The following BRCA2 variants were observed in gnomAD, a reference collection of about 807,000 sequenced individuals.
BRCA2 encodes the protein breast cancer type 2 susceptibility protein.
BRCA2 carries 203 observed loss-of-function variants against 276.7 expected under a neutral mutation model. That is an observed-to-expected ratio of 0.73 (90% CI 0.65 to 0.82). BRCA2 has a LOEUF of 0.82. BRCA2 is among the 40% of genes least tolerant of loss of function. The pLI is 0.00. For synonymous variants in BRCA2, 1,289 were observed against 1,338.4 expected, an observed-to-expected ratio of 0.96 and a Z score of 0.81; for missense variants, 3,920 against 3,915.0, an observed-to-expected ratio of 1.00 and a Z score of -0.03.
intron 7 of BRCA2, among the ~76,000 whole-genome samples, chr13:32,329,081 A>G (rs539611538): frequency 6.6e-6 from 1 of 152,318 alleles, no homozygotes; most frequent in South Asian, 2.1e-4. Context: ...TATTTAATAT[A>G]TAGTATGCCT....
intron 6 of BRCA2, 64 bp from the exon 7 acceptor site, chr13:32,326,435 A>C: frequency 6.8e-7 from 1 of 1,475,748 alleles, no homozygotes; most frequent in South Asian, 1.1e-5. Context: ...GAGTGAATGA[A>C]AAAATAATAT....
rs1235811079 is a variant in BRCA2 at position 32,398,453 on chromosome 13, A to G, written c.9940A>G (p.Lys3314Glu). 5.6e-6 allele frequency: 9 copies of G among 1,614,068 alleles called. No individual in the cohort carries two copies. Among genetic ancestry groups the G allele is most frequent in the South Asian group, 3.3e-5 (3 of 91,094 alleles). Reference sequence around the variant, plus strand: ...CACCAAATACGAAACACCCATAAAGAAAAAAGAACTGAATTCTCCTCAGAT... The same window carrying G: ...CACCAAATACGAAACACCCATAAAGGAAAAAGAACTGAATTCTCCTCAGAT... ...CGTKYETPIKKKELNSPQMTP... is the reference protein window; with the variant it reads ...CGTKYETPIKEKELNSPQMTP... The change falls in exon 27 of 27, where the codon AAA (lysine) becomes GAA (glutamate). Residue 3314 changes from lysine to glutamate, a missense_variant. By Grantham distance (56) the Lys-to-Glu change is moderately conservative. Transcript: ENST00000380152.
At chr13:32,363,109 G>T (rs943718983) in intron 17 of BRCA2, 70 bp from the exon 18 acceptor site, 1 of 1,314,260 alleles carries the variant, frequency 7.6e-7, no homozygotes. Context: ...CAGTTATTCA[G>T]TGACTTGTTT....
At chr13:32,373,317 C>T (rs1001247771) in intron 20 of BRCA2, among the ~76,000 whole-genome samples, 17 of 151,748 alleles carry the variant, frequency 1.1e-4, no homozygotes, top group Admixed American at 5.9e-4. Context: ...ACCAGCCTGG[C>T]CAACATGGTG....
At position 32,363,398 on chromosome 13, in the gene BRCA2, A is replaced by G. The variant is rs2072758652; in HGVS notation, c.8196A>G (p.Leu2732=). 1 of 1,614,066 alleles carries G rather than the reference A, an allele frequency of 6.2e-7. No individual in the cohort carries two copies. Among genetic ancestry groups the G allele is most frequent in the Admixed American group, 1.7e-5 (1 of 60,008 alleles). The change falls in exon 18 of 27, where the codon TTA becomes TTG. Residue 2732 remains leucine, a synonymous_variant. Coordinates refer to ENST00000380152, the MANE Select transcript of BRCA2 (RefSeq NM_000059.4). ...TDGWYAVKAQ[L]DPPLLAVLKN... The stretch of plus-strand genomic sequence containing the variant: ...GGTGGTATGCTGTTAAGGCCCAGTT[A>G]GATCCTCCCCTCTTAGCTGTCTTAA...
At chr13:32,325,016 A>G in intron 3 of BRCA2, 60 bp from the exon 4 acceptor site, 3 of 1,238,152 alleles carry the variant, frequency 2.4e-6, no homozygotes, top group Non-Finnish European at 3.5e-6. Flanking sequence ...ACACTTCCAA[A>G]GAATGCAAAT....
intron 25 of BRCA2, 108 bp from the exon 26 acceptor site, chr13:32,396,790 T>G (rs1251893279): frequency 7.1e-7 from 1 of 1,405,860 alleles, no homozygotes; most frequent in African/African-American, 1.4e-5. Flanking sequence ...GGTTTTTCAT[T>G]CTTTTTTGGT....
chr13:32,351,703 CTG>C (rs1360126746), intron 13 of BRCA2, among the ~76,000 whole-genome samples: 5 of 152,144 alleles, frequency 3.3e-5, no homozygotes, highest in South Asian at 4.1e-4. Flanking sequence ...TCATCTAAAA[CTG>C]TTTAAAGTAG....
Position 32,337,260 on chromosome 13 carries a change from C to A in BRCA2, c.2905C>A (p.Gln969Lys), listed in dbSNP as rs886038080. 1 of 1,611,806 alleles carries A rather than the reference C, an allele frequency of 6.2e-7. No individual in the cohort carries two copies. The highest frequency in any genetic ancestry group is 1.1e-5 in the South Asian group (1 of 90,492). ...VKQHIKMTLGQDLKSDISLNI... is the reference protein window; with the variant it reads ...VKQHIKMTLGKDLKSDISLNI... ...GCAGCATATAAAAATGACTCTAGGTCAAGATTTAAAATCGGACATCTCCTT... is the reference window on the plus strand; with the variant it reads ...GCAGCATATAAAAATGACTCTAGGTAAAGATTTAAAATCGGACATCTCCTT... Residue 969 changes from glutamine to lysine, a missense_variant, in exon 11 of 27, where the codon CAA becomes AAA. Coordinates refer to ENST00000380152, the MANE Select transcript of BRCA2 (RefSeq NM_000059.4).
chr13:32,319,753 T>G (rs2072293840), intron 3 of BRCA2, among the ~76,000 whole-genome samples: 1 of 152,228 alleles, frequency 6.6e-6, no homozygotes, highest in Non-Finnish European at 1.5e-5. Context: ...TCTAAGCAAT[T>G]ATGTAATAAG....
At chr13:32,368,002 T>TC (rs1258937432) in intron 18 of BRCA2, among the ~76,000 whole-genome samples, 5 of 6,014 alleles carry the variant, frequency 8.3e-4, no homozygotes, top group Non-Finnish European at 1.3e-3. Flanking sequence ...CTTCTAATTC[T>TC]TTTTTTTTTT....
chr13:32,365,200 C>A (rs1428288282), intron 18 of BRCA2, among the ~76,000 whole-genome samples: 2 of 130,028 alleles, frequency 1.5e-5, no homozygotes, highest in Non-Finnish European at 3.1e-5. Flanking sequence ...TGAGGTCTCC[C>A]TGTGTTGCCT....
At chr13:32,376,332 G>A (rs1475996707) in intron 20 of BRCA2, among the ~76,000 whole-genome samples, 1 of 151,876 alleles carries the variant, frequency 6.6e-6, no homozygotes, top group Admixed American at 6.6e-5. Context: ...GACCAGCCTG[G>A]CCAATATGGT....
At chr13:32,344,188 G>T (rs1324170268) in intron 11 of BRCA2, among the ~76,000 whole-genome samples, 4 of 147,232 alleles carry the variant, frequency 2.7e-5, no homozygotes, top group Admixed American at 6.7e-5. Flanking sequence ...AAAAAAGAGA[G>T]AAAAAGTTTA....
chr13:32,319,406 C>A (rs2138706325), intron 3 of BRCA2, 81 bp downstream of exon 3: 1 of 1,380,734 alleles, frequency 7.2e-7, no homozygotes, highest in East Asian at 2.4e-5. Context: ...TTAGCTCATT[C>A]ATTAATTGTG....
Position 32,340,168 on chromosome 13 carries a change from G to C in BRCA2, c.5813G>C (p.Gly1938Ala), listed in dbSNP as rs41293499. 34 of 1,613,184 alleles carry C rather than the reference G, an allele frequency of 2.1e-5. No homozygotes were observed. The highest frequency in any genetic ancestry group is 2.8e-5 in the Non-Finnish European group (33 of 1,179,376). The change falls in exon 11 of 27, where the codon GGA becomes GCA. Residue 1938 changes from glycine to alanine, a missense_variant. Physicochemically the swap from Gly to Ala is moderately conservative, Grantham distance 60 (BLOSUM62 0). Coordinates refer to ENST00000380152, the MANE Select transcript of BRCA2 (RefSeq NM_000059.4). ...EILQHNQNMS[G>A]LEKVSKISPC... ...TTACAACATAACCAAAATATGTCTG[G>C]ATTGGAGAAAGTTTCTAAAATATCA...
At chr13:32,326,039 GAT>G in intron 4 of BRCA2, 60 bp from the exon 5 acceptor site, 1 of 1,396,310 alleles carries the variant, frequency 7.2e-7, no homozygotes, top group Non-Finnish European at 1.0e-6. Context: ...TTAAAAATAA[GAT>G]AAACTAGTTT....
chr13:32,397,342 T>A (rs923465109), intron 26 of BRCA2, among the ~76,000 whole-genome samples: 2 of 152,254 alleles, frequency 1.3e-5, no homozygotes, highest in Non-Finnish European at 2.9e-5. Context: ...GTTTGTAAGC[T>A]GTTTCTAAGC....
Position 32,362,517 on chromosome 13 carries a change from G to T in BRCA2, c.7806-6G>T, listed in dbSNP as rs1555286811. 1 of 1,612,972 alleles carries T rather than the reference G, an allele frequency of 6.2e-7. No homozygotes were observed. Among genetic ancestry groups the T allele is most frequent in the East Asian group, 2.2e-5 (1 of 44,862 alleles). On this transcript the variant is annotated splice_polypyrimidine_tract_variant and splice_region_variant and intron_variant, in intron 16 of 26. Coordinates refer to ENST00000380152, the MANE Select transcript of BRCA2 (RefSeq NM_000059.4). ...TTATGATAATATTCTACTTTTATTT[G>T]TTCAGGGCTCTGTGTGACACTCCAG...
Sources: allele counts gnomAD v4.1 joint callset (sites outside exome capture counted in the v4.1 genomes callset), GRCh38; gene constraint gnomAD v4.1.1; transcripts MANE v1.5; gene names NCBI Gene and HGNC (gene_info 2026-07-23, HGNC 2026-07-21).